Variants in CNOT10 observed in about 807,000 individuals in gnomAD.
CNOT10 encodes CCR4-NOT transcription complex, subunit 10.
A neutral mutation model predicts 94.6 loss-of-function variants in CNOT10; 30 were observed. That is an observed-to-expected ratio of 0.32 (90% CI 0.24 to 0.43). CNOT10 has a LOEUF of 0.43. Ranked by LOEUF, CNOT10 falls within the 20% of genes least tolerant of loss-of-function variation. The pLI is 1.00. For missense variants in CNOT10, 759 were observed against 877.2 expected, an observed-to-expected ratio of 0.87 and a Z score of 1.70; for synonymous variants, 289 against 301.6, an observed-to-expected ratio of 0.96 and a Z score of 0.43.
intron 14 of CNOT10, among the ~76,000 whole-genome samples, chr3:32,760,027 A>C (rs995100361): frequency 6.6e-5 from 10 of 151,980 alleles, no homozygotes; most frequent in African/African-American, 2.4e-4. Context: ...CTAAAAATAC[A>C]AAAAATTAGC....
At chr3:32,687,439 G>GTTTTTTTTTTGTTT (rs1559471639) in intron 1 of CNOT10, among the ~76,000 whole-genome samples, 5 of 51,312 alleles carry the variant, frequency 9.7e-5, no homozygotes, top group African/African-American at 2.2e-4. Context: ...AGTCCTCACG[G>GTTTTTTTTTTGTTT]TTTTTTTTTT....
intron 8 of CNOT10, among the ~76,000 whole-genome samples, chr3:32,724,412 ATT>A (rs756450071): frequency 1.1e-4 from 12 of 108,082 alleles, no homozygotes; most frequent in Non-Finnish European, 1.2e-4. Flanking sequence ...CGCCCGGCTA[ATT>A]TTTTTTTTTT....
At chr3:32,756,173 C>G (rs1022965982) in intron 13 of CNOT10, among the ~76,000 whole-genome samples, 1 of 151,920 alleles carries the variant, frequency 6.6e-6, no homozygotes, top group Non-Finnish European at 1.5e-5. Flanking sequence ...TTGTAATGCA[C>G]CAAGAGAAGG....
intron 13 of CNOT10, among the ~76,000 whole-genome samples, chr3:32,746,680 C>CA (rs1165690337): frequency 2.0e-5 from 3 of 151,634 alleles, no homozygotes; most frequent in African/African-American, 7.3e-5. Flanking sequence ...ACTAAAAATA[C>CA]AAAAAAATTA....
intron 1 of CNOT10, among the ~76,000 whole-genome samples, chr3:32,688,400 A>C (rs6808079): frequency 6.6e-6 from 1 of 151,860 alleles, no homozygotes; most frequent in Non-Finnish European, 1.5e-5. Flanking sequence ...GGAGTTCAAA[A>C]CCAGCCTGAC....
Position 32,761,642 on chromosome 3 carries a change from G to A in CNOT10, c.1710-1091G>A, listed in dbSNP as rs543211806. ...ATGATCTCAGCTCACTGCAACCTCT[G>A]CCTCCCCAGTTCAAGGGATTCTCCT... On this transcript the variant is annotated intron_variant, in intron 14 of 18. Coordinates refer to ENST00000328834, the MANE Select transcript of CNOT10 (RefSeq NM_015442.3). 1.6e-3 allele frequency among the ~76,000 whole-genome samples: 244 copies of A among 151,080 alleles called. 1 individual carries two copies. Among genetic ancestry groups the A allele is most frequent in the African/African-American group, 5.8e-3 (237 of 41,090 alleles).
At chr3:32,753,121 C>T in intron 13 of CNOT10, 3 of 566,942 alleles carry the variant, frequency 5.3e-6, no homozygotes, top group Admixed American at 4.5e-5. Flanking sequence ...AGAAGTCTCT[C>T]GAATTCAATC....
At chr3:32,686,610 T>C (rs913865823) in intron 1 of CNOT10, among the ~76,000 whole-genome samples, 1 of 152,148 alleles carries the variant, frequency 6.6e-6, no homozygotes, top group Non-Finnish European at 1.5e-5. Flanking sequence ...AGCAGAGATA[T>C]GTAAGAAGTG....
chr3:32,697,910 TAAAA>T (rs942284765), intron 1 of CNOT10, among the ~76,000 whole-genome samples: 2 of 152,234 alleles, frequency 1.3e-5, no homozygotes, highest in African/African-American at 4.8e-5. Flanking sequence ...TCTTTAATAA[TAAAA>T]GAAACATGAA....
chr3:32,697,526 A>C (rs564706220), intron 1 of CNOT10, among the ~76,000 whole-genome samples: 29 of 152,230 alleles, frequency 1.9e-4, no homozygotes, highest in Admixed American at 1.4e-3. Context: ...GCTGGAGTGC[A>C]GTGGCATGGT....
intron 13 of CNOT10, among the ~76,000 whole-genome samples, chr3:32,755,021 C>T (rs1700160084): frequency 6.6e-6 from 1 of 151,460 alleles, no homozygotes; most frequent in African/African-American, 2.4e-5. Flanking sequence ...CCAAGGCAGG[C>T]GGATCACCTG....
At chr3:32,699,467 T>A (rs1156766173) in intron 1 of CNOT10, among the ~76,000 whole-genome samples, 1 of 152,208 alleles carries the variant, frequency 6.6e-6, no homozygotes, top group Non-Finnish European at 1.5e-5. Flanking sequence ...GAGGCTGAAT[T>A]TCATTTCACG....
At chr3:32,697,903 TTAA>T (rs1389726438) in intron 1 of CNOT10, among the ~76,000 whole-genome samples, 2 of 152,250 alleles carry the variant, frequency 1.3e-5, no homozygotes, top group East Asian at 3.8e-4. Context: ...TATAAAATCT[TTAA>T]TAATAAAAGA....
At chr3:32,687,970 G>A (rs1696703866) in intron 1 of CNOT10, among the ~76,000 whole-genome samples, 1 of 152,114 alleles carries the variant, frequency 6.6e-6, no homozygotes, top group African/African-American at 2.4e-5. Context: ...ACGAGGTCAG[G>A]ATATTTGTCA....
chr3:32,748,171 T>C (rs995818055), intron 13 of CNOT10, among the ~76,000 whole-genome samples: 1 of 152,184 alleles, frequency 6.6e-6, no homozygotes, highest in African/African-American at 2.4e-5. Flanking sequence ...GCTCTAATTA[T>C]ATTTCTCTTG....
intron 13 of CNOT10, chr3:32,753,341 C>T (rs1357492532): frequency 5.0e-6 from 6 of 1,194,886 alleles, no homozygotes; most frequent in Non-Finnish European, 7.5e-6. Context: ...TGACTGGTAT[C>T]AAACAGAATC....
At chr3:32,750,461 C>T (rs1002513931) in intron 13 of CNOT10, among the ~76,000 whole-genome samples, 4 of 152,128 alleles carry the variant, frequency 2.6e-5, no homozygotes, top group African/African-American at 9.7e-5. Context: ...CACTGCACTC[C>T]ACCCTGAGCG....
intron 13 of CNOT10, among the ~76,000 whole-genome samples, chr3:32,750,575 CAG>C (rs1229578925): frequency 6.6e-6 from 1 of 151,590 alleles, no homozygotes; most frequent in Non-Finnish European, 1.5e-5. Flanking sequence ...TTTTTTGAGA[CAG>C]AGTCTCACTC....
At chr3:32,711,094 CT>C (rs1697869123) in intron 4 of CNOT10, among the ~76,000 whole-genome samples, 1 of 152,098 alleles carries the variant, frequency 6.6e-6, no homozygotes, top group African/African-American at 2.4e-5. Context: ...TGTTCTGGGT[CT>C]GGAGATAATG....
Sources: gnomAD v4.1 joint callset for allele counts (sites outside exome capture counted in the v4.1 genomes callset) on GRCh38, gnomAD v4.1.1 for gene constraint, MANE v1.5 for transcripts, NCBI Gene and HGNC (gene_info 2026-07-23, HGNC 2026-07-21) for gene names.